The following LRMDA variants were observed in gnomAD, a reference collection of about 807,000 sequenced individuals.
LRMDA encodes leucine-rich melanocyte differentiation-associated protein.
In LRMDA, 18 loss-of-function variants were observed where a neutral mutation model predicts 29.8. That is an observed-to-expected ratio of 0.60 (90% CI 0.42 to 0.90). The LOEUF is 0.90. Ranked by LOEUF, LRMDA falls within the 40% of genes least tolerant of loss-of-function variation. The pLI is 0.00. For synonymous variants in LRMDA, 125 were observed against 109.4 expected (o/e 1.14, Z -0.89); for missense variants, 273 against 273.9 (o/e 1.00, Z 0.02).
intron 3 of LRMDA, among the ~76,000 whole-genome samples, chr10:76,045,842 A>T (rs556525906): frequency 1.8e-4 from 28 of 152,262 alleles, no homozygotes; most frequent in African/African-American, 6.5e-4. Context: ...CAAATATTTT[A>T]GGGACCCAAT....
chr10:75,675,867 G>A (rs1051937616), intron 2 of LRMDA, among the ~76,000 whole-genome samples: 13 of 152,124 alleles, frequency 8.5e-5, no homozygotes. Flanking sequence ...ATTCCGCAAG[G>A]TCCAGTGTTT....
At chr10:75,553,986 T>C (rs969239974) in intron 2 of LRMDA, among the ~76,000 whole-genome samples, 2 of 152,082 alleles carry the variant, frequency 1.3e-5, no homozygotes, top group Admixed American at 1.3e-4. Context: ...ATGTTAGCTG[T>C]TTTCTTTTTA....
intron 3 of LRMDA, among the ~76,000 whole-genome samples, chr10:76,045,821 T>A (rs1848429707): frequency 6.6e-6 from 1 of 152,142 alleles, no homozygotes; most frequent in South Asian, 2.1e-4. Flanking sequence ...TATGTCGTGG[T>A]GATTGCTTGG....
At chr10:76,001,769 G>A (rs149607112) in intron 2 of LRMDA, among the ~76,000 whole-genome samples, 14 of 152,122 alleles carry the variant, frequency 9.2e-5, no homozygotes, top group African/African-American at 3.1e-4. Flanking sequence ...AGCCCTTGAC[G>A]CTATGCTTGT....
chr10:75,510,612 T>C (rs866188238), intron 2 of LRMDA, among the ~76,000 whole-genome samples: 11 of 152,302 alleles, frequency 7.2e-5, no homozygotes, highest in Non-Finnish European at 1.2e-4. Flanking sequence ...ATAGATGAAA[T>C]CTACCAGCTC....
intron 2 of LRMDA, among the ~76,000 whole-genome samples, chr10:75,627,930 C>T (rs929210961): frequency 2.6e-5 from 4 of 152,200 alleles, no homozygotes; most frequent in African/African-American, 9.7e-5. Flanking sequence ...TTCTCTGTCT[C>T]TCCTATTTGC....
chr10:75,642,404 T>C (rs146753222), intron 2 of LRMDA: 49 of 152,350 alleles, frequency 3.2e-4, no homozygotes, highest in African/African-American at 1.1e-3. Flanking sequence ...AGATGTGATA[T>C]AAGGGCCTCC....
Position 75,847,780 on chromosome 10 carries a change from A to G in LRMDA, c.132-188228A>G, listed in dbSNP as rs574161588. Among the ~76,000 whole-genome samples, 12 of 152,310 alleles carry G rather than the reference A, an allele frequency of 7.9e-5. No individual in the cohort carries two copies. In the South Asian group the frequency reaches 2.5e-3, roughly 32 times the overall value. On this transcript the variant is annotated intron_variant, in intron 2 of 6. Coordinates refer to ENST00000611255, the MANE Select transcript of LRMDA (RefSeq NM_001305581.2). ...CATCACTAATCATAAGGGGAAAATCAAAGAAGGTACCAATAAATGGAAAGA... is the reference window on the plus strand; with the variant it reads ...CATCACTAATCATAAGGGGAAAATCGAAGAAGGTACCAATAAATGGAAAGA...
intron 5 of LRMDA, among the ~76,000 whole-genome samples, chr10:76,247,391 A>C (rs1273338278): frequency 6.6e-6 from 1 of 152,146 alleles, no homozygotes; most frequent in African/African-American, 2.4e-5. Context: ...ATGAAACCCT[A>C]TGGAGTGAGC....
At chr10:75,479,338 T>C (rs1844831917) in intron 2 of LRMDA, among the ~76,000 whole-genome samples, 1 of 152,010 alleles carries the variant, frequency 6.6e-6, no homozygotes, top group Admixed American at 6.6e-5. Context: ...AAACCCCGCC[T>C]GTACTAAAAA....
chr10:75,985,659 C>A (rs958822604), intron 2 of LRMDA, among the ~76,000 whole-genome samples: 4 of 152,206 alleles, frequency 2.6e-5, no homozygotes, highest in African/African-American at 7.2e-5. Context: ...AGAGATGACA[C>A]CCTGGTTGGC....
intron 5 of LRMDA, among the ~76,000 whole-genome samples, chr10:76,264,805 C>A (rs977073524): frequency 6.6e-6 from 1 of 152,174 alleles, no homozygotes; most frequent in Non-Finnish European, 1.5e-5. Flanking sequence ...AGATAAGAAT[C>A]ATGCCCCATG....
intron 2 of LRMDA, among the ~76,000 whole-genome samples, chr10:75,457,320 T>C (rs1449384716): frequency 2.0e-5 from 3 of 152,214 alleles, no homozygotes; most frequent in Non-Finnish European, 4.4e-5. Flanking sequence ...TAGTATAGGT[T>C]GACTGAGAAG....
intron 6 of LRMDA, among the ~76,000 whole-genome samples, chr10:76,365,506 T>A (rs1300826859): frequency 6.6e-6 from 1 of 152,222 alleles, no homozygotes; most frequent in Non-Finnish European, 1.5e-5. Context: ...TTAGTAATGT[T>A]GAGCATTTGT....
chr10:76,003,312 T>A (rs1847592328), intron 2 of LRMDA, among the ~76,000 whole-genome samples: 1 of 152,120 alleles, frequency 6.6e-6, no homozygotes, highest in African/African-American at 2.4e-5. Context: ...CCAATTAACC[T>A]TCCTGACCGA....
intron 5 of LRMDA, among the ~76,000 whole-genome samples, chr10:76,257,314 T>A (rs1258151044): frequency 6.6e-6 from 1 of 150,532 alleles, no homozygotes; most frequent in Admixed American, 6.7e-5. Context: ...ATGCTAGCTA[T>A]GGCACTGGGT....
intron 3 of LRMDA, among the ~76,000 whole-genome samples, chr10:76,044,274 G>A (rs1241081550): frequency 1.3e-5 from 2 of 152,100 alleles, no homozygotes; most frequent in Non-Finnish European, 2.9e-5. Flanking sequence ...GTGCAGGTCC[G>A]GGTCTAGGTC....
At chr10:75,803,987 G>A (rs1843802176) in intron 2 of LRMDA, among the ~76,000 whole-genome samples, 1 of 152,202 alleles carries the variant, frequency 6.6e-6, no homozygotes. Flanking sequence ...TGCCCAGGCA[G>A]CGTGTCATGT....
chr10:76,374,866 T>C (rs1339172118), intron 6 of LRMDA, among the ~76,000 whole-genome samples: 2 of 152,178 alleles, frequency 1.3e-5, no homozygotes, highest in South Asian at 2.1e-4. Context: ...AGCTCTTTAG[T>C]ACTTGAACTT....
Sources: allele counts gnomAD v4.1 joint callset (sites outside exome capture counted in the v4.1 genomes callset), GRCh38; gene constraint gnomAD v4.1.1; transcripts MANE v1.5; gene names NCBI Gene and HGNC (gene_info 2026-07-23, HGNC 2026-07-21).